SATB2: variants seen among roughly 807,000 people sequenced by gnomAD.
SATB2 encodes the protein SATB homeobox 2.
A neutral mutation model predicts 73.4 loss-of-function variants in SATB2; 1 was observed. The observed-to-expected ratio is 0.01, with a 90% confidence interval of 0.00 to 0.06. The LOEUF (loss-of-function observed/expected upper bound fraction) is 0.06. Ranked by LOEUF, SATB2 falls within the 10% of genes least tolerant of loss-of-function variation. SATB2 has a pLI of 1.00. For synonymous variants in SATB2, 397 were observed against 367.0 expected (o/e 1.08, Z -0.93); for missense variants, 459 against 945.8 (o/e 0.49, Z 6.75).
intron 8 of SATB2, among the ~76,000 whole-genome samples, chr2:199,326,355 A>G (rs1181075658): frequency 6.6e-6 from 1 of 152,150 alleles, no homozygotes; most frequent in African/African-American, 2.4e-5. Flanking sequence ...GTGATATTAA[A>G]TAAGAGATTT....
rs77263733 is a variant in SATB2 at position 199,447,705 on chromosome 2, G to A, written c.169+8164C>T. ...TGTCTCCTGGGCAACCACTTTCCAT[G>A]GGCTCCTCTTTGAACTTCCCAGGGA... On this transcript the variant is annotated intron_variant, in intron 2 of 10. Transcript: ENST00000417098. Among the ~76,000 whole-genome samples, 951 of 152,176 alleles carry A rather than the reference G, an allele frequency of 6.2e-3. 8 individuals carry two copies. Among genetic ancestry groups the A allele is most frequent in the Non-Finnish European group, 0.011 (730 of 68,022 alleles).
intron 10 of SATB2, among the ~76,000 whole-genome samples, chr2:199,278,699 A>G (rs1381140907): frequency 1.3e-5 from 2 of 152,230 alleles, no homozygotes; most frequent in Non-Finnish European, 2.9e-5. Context: ...AGAAAAATTC[A>G]GTTTGTAATA....
intron 7 of SATB2, among the ~76,000 whole-genome samples, chr2:199,337,089 T>A (rs1207335585): frequency 6.6e-6 from 1 of 152,180 alleles, no homozygotes; most frequent in African/African-American, 2.4e-5. Flanking sequence ...TTATTTTACA[T>A]CTACAACTTT....
upstream of SATB2, among the ~76,000 whole-genome samples, chr2:199,461,107 A>G (rs1311544779): frequency 6.6e-6 from 1 of 152,230 alleles, no homozygotes; most frequent in Non-Finnish European, 1.5e-5. Context: ...TGTATTTTGG[A>G]TGTTTGTAGA....
chr2:199,417,350 G>T (rs759088275), intron 3 of SATB2, among the ~76,000 whole-genome samples: 1 of 152,096 alleles, frequency 6.6e-6, no homozygotes, highest in Non-Finnish European at 1.5e-5. Flanking sequence ...CGCATCCCCA[G>T]AGGAAATCAT....
In SATB2 at chr2:199,279,426, G is replaced by A. The variant is rs548005628; in HGVS notation, c.1741-6754C>T. Among the ~76,000 whole-genome samples, 20 of 152,360 alleles carry A rather than the reference G, an allele frequency of 1.3e-4. No individual in the cohort carries two copies. The East Asian group carries it at 3.7e-3, about 28-fold the overall frequency. ...ATAATGCTTTTTGCCTGTAGGGAAG[G>A]AAGTGAGATCTTGAATGATTAAGTT... On this transcript the variant is annotated intron_variant, in intron 10 of 10. Transcript: ENST00000417098.
chr2:199,321,322 T>C (rs75482841), intron 9 of SATB2, among the ~76,000 whole-genome samples: 19,309 of 151,410 alleles, frequency 0.13, 1,466 homozygotes, highest in South Asian at 0.32. Flanking sequence ...CGTCTATGTA[T>C]AGACATATAT....
At chr2:199,434,853 T>G (rs1434961044) in intron 2 of SATB2, among the ~76,000 whole-genome samples, 1 of 152,174 alleles carries the variant, frequency 6.6e-6, no homozygotes, top group Non-Finnish European at 1.5e-5. Flanking sequence ...TGCAAACTAC[T>G]GGGTTACAGA....
intron 3 of SATB2, among the ~76,000 whole-genome samples, chr2:199,404,066 A>G (rs565989199): frequency 2.0e-5 from 3 of 152,368 alleles, no homozygotes; most frequent in African/African-American, 7.2e-5. Flanking sequence ...GGGCAAAGCA[A>G]GAGGAAAGGC....
At chr2:199,396,157 T>A (rs1186087027) in intron 3 of SATB2, 2 of 152,230 alleles carry the variant, frequency 1.3e-5, no homozygotes, top group African/African-American at 4.8e-5. Flanking sequence ...GCCCAATTTG[T>A]CTTTTTGAAC....
At chr2:199,338,976 GCTT>G (rs1221291169) in intron 7 of SATB2, among the ~76,000 whole-genome samples, 4 of 151,322 alleles carry the variant, frequency 2.6e-5, no homozygotes, top group African/African-American at 9.7e-5. Flanking sequence ...CATCATGTTT[GCTT>G]CTTCTGATTC....
At chr2:199,361,954 C>T (rs567852373) in intron 6 of SATB2, among the ~76,000 whole-genome samples, 9 of 150,326 alleles carry the variant, frequency 6.0e-5, no homozygotes, top group African/African-American at 1.7e-4. Flanking sequence ...AGCCAGGATG[C>T]TCTCAACCTC....
intron 3 of SATB2, among the ~76,000 whole-genome samples, chr2:199,420,110 A>C (rs1475034593): frequency 6.6e-6 from 1 of 152,168 alleles, no homozygotes; most frequent in Non-Finnish European, 1.5e-5. Context: ...GGGTTTGAAC[A>C]TTTAGGTCCT....
intron 2 of SATB2, among the ~76,000 whole-genome samples, chr2:199,450,173 T>G (rs532128485): frequency 2.7e-4 from 41 of 152,240 alleles, no homozygotes; most frequent in African/African-American, 9.4e-4. Flanking sequence ...ATTCCCCTTA[T>G]GCATTCTCAC....
At chr2:199,325,926 C>T (rs1156546764) in intron 8 of SATB2, 1 of 152,088 alleles carries the variant, frequency 6.6e-6, no homozygotes, top group Non-Finnish European at 1.5e-5. Flanking sequence ...GAATGCTGGC[C>T]AGCTGAAGAA....
intron 10 of SATB2, among the ~76,000 whole-genome samples, chr2:199,307,579 A>G (rs1687471354): frequency 6.6e-6 from 1 of 152,212 alleles, no homozygotes; most frequent in South Asian, 2.1e-4. Flanking sequence ...CATAAGCCTA[A>G]TTGCCAAACT....
At chr2:199,285,754 A>C (rs1189687841) in intron 10 of SATB2, among the ~76,000 whole-genome samples, 1 of 151,944 alleles carries the variant, frequency 6.6e-6, no homozygotes, top group Non-Finnish European at 1.5e-5. Flanking sequence ...AGAGAAAGAG[A>C]ATAAGAAAAA....
upstream of SATB2, among the ~76,000 whole-genome samples, chr2:199,466,566 T>G (rs1044084047): frequency 1.1e-4 from 17 of 152,158 alleles, no homozygotes; most frequent in Non-Finnish European, 1.3e-4. Flanking sequence ...GCAAGGAAAG[T>G]GCAGGGCCAA....
chr2:199,311,501 T>G (rs562125517), intron 9 of SATB2, among the ~76,000 whole-genome samples: 30 of 152,224 alleles, frequency 2.0e-4, no homozygotes, highest in Non-Finnish European at 2.8e-4. Context: ...AATAATAACC[T>G]ACAGAGCAGA....
Sources: allele counts gnomAD v4.1 joint callset (sites outside exome capture counted in the v4.1 genomes callset), GRCh38; gene constraint gnomAD v4.1.1; transcripts MANE v1.5; gene names NCBI Gene and HGNC (gene_info 2026-07-23, HGNC 2026-07-21).